Variants in SARS1 observed in about 807,000 individuals in gnomAD.
The protein encoded by SARS1 is serine--tRNA ligase, cytoplasmic.
Under a neutral mutation model 63.7 loss-of-function variants are expected in SARS1, and 25 were observed. The ratio of observed to expected loss-of-function variants is 0.39; its 90% CI spans 0.29 to 0.55. The LOEUF is 0.55. SARS1 is among the 20% of genes least tolerant of loss of function. The probability of loss-of-function intolerance (pLI) is 0.62; values close to 1 mark genes in which losing one functional copy is unlikely to be tolerated. For missense variants in SARS1, 417 were observed against 649.7 expected (o/e 0.64, Z 3.89); for synonymous variants, 231 against 243.5 (o/e 0.95, Z 0.48).
At chr1:109,222,268 TC>T (rs1654966329) in intron 1 of SARS1, among the ~76,000 whole-genome samples, 1 of 151,724 alleles carries the variant, frequency 6.6e-6, no homozygotes, top group Non-Finnish European at 1.5e-5. Context: ...AGTAGAAAGG[TC>T]CCGTTTTCCC....
At position 109,214,397 on chromosome 1, in the gene SARS1, T is replaced by C; in HGVS notation, c.136+269T>C. 1 of 657,188 alleles carries C rather than the reference T, an allele frequency of 1.5e-6. No homozygotes were observed. Among genetic ancestry groups the C allele is most frequent in the Non-Finnish European group, 2.2e-6 (1 of 457,242 alleles). The allele number at this position is 657,188 out of a possible 1,614,324, so 40.7% of individuals were successfully genotyped here. A position where few individuals can be genotyped will look rare whatever the true frequency, so the allele number is the denominator to read the frequency against. ...GTGCGTACGCACGCGCATCGGGAGC[T>C]GTCAAGCCTTCCTGCCCCAGGGGTT... On this transcript the variant is annotated intron_variant, in intron 1 of 10. Transcript: ENST00000234677. The surrounding 1 kb of genome is among the most constrained non-coding windows in gnomAD (Gnocchi z 4.6).
At chr1:109,229,846 C>T (rs149452405) in intron 4 of SARS1, among the ~76,000 whole-genome samples, 119 of 152,308 alleles carry the variant, frequency 7.8e-4, no homozygotes, top group African/African-American at 2.6e-3. Context: ...TAGCAGGCAT[C>T]TCGTGGGAGG....
intron 1 of SARS1, chr1:109,216,334 A>G (rs893661180): frequency 1.0e-6 from 1 of 985,346 alleles, no homozygotes; most frequent in Non-Finnish European, 1.2e-6. Flanking sequence ...CTTACAAGGT[A>G]CCACTAGGGT....
At chr1:109,215,171 T>TG (rs1394140097) in intron 1 of SARS1, 3 of 985,384 alleles carry the variant, frequency 3.0e-6, no homozygotes, top group Non-Finnish European at 3.6e-6. Flanking sequence ...GCTGATTCTA[T>TG]GTCTTAGGCC....
At position 109,236,048 on chromosome 1, in the gene SARS1, C is replaced by T. The variant is rs749970722; in HGVS notation, c.1041C>T (p.Thr347=). 62 of 1,613,770 alleles carry T rather than the reference C, an allele frequency of 3.8e-5. No homozygotes were observed. The highest frequency in any genetic ancestry group is 1.9e-4 in the African/African-American group (14 of 74,898). ...AGATGTTTGAAGAGATGATTACCAC[C>T]GCAGAGGAGTTCTACCAGTCCCTGG... ...SWEMFEEMIT[T]AEEFYQSLGI... The change falls in exon 8 of 11, where the codon ACC becomes ACT. Residue 347 remains threonine, a synonymous_variant. Transcript: ENST00000234677.
At chr1:109,234,544 C>T (rs539917138) in intron 6 of SARS1, among the ~76,000 whole-genome samples, 2 of 152,248 alleles carry the variant, frequency 1.3e-5, no homozygotes, top group Admixed American at 1.3e-4. Context: ...ACTGGTGTCC[C>T]TTTTTGCTCC....
intron 4 of SARS1, 30 bp from the exon 5 acceptor site, chr1:109,230,848 G>C: frequency 6.4e-7 from 1 of 1,567,968 alleles, no homozygotes; most frequent in Non-Finnish European, 8.7e-7. Flanking sequence ...CATATGTCTT[G>C]TATGTCTCTT....
Position 109,214,144 on chromosome 1 carries a change from G to C in SARS1, c.136+16G>C, listed in dbSNP as rs200064274. The C allele has an allele frequency of 6.2e-7, 1 of 1,612,506 alleles. No homozygotes were observed. Among genetic ancestry groups the C allele is most frequent in the Non-Finnish European group, 8.5e-7 (1 of 1,179,270 alleles). ...TGGCGACGATGTAAGTACCGGGACGGGCGGGTTACCTCCTTGATGCTAAAC... is the reference window on the plus strand; with the variant it reads ...TGGCGACGATGTAAGTACCGGGACGCGCGGGTTACCTCCTTGATGCTAAAC... On this transcript the variant is annotated intron_variant, in intron 1 of 10. Transcript: ENST00000234677. This position sits in a 1 kb window ranked among gnomAD's most constrained non-coding sequence, Gnocchi z 4.6.
chr1:109,225,334 T>C (rs139374198), intron 2 of SARS1, among the ~76,000 whole-genome samples: 3 of 152,296 alleles, frequency 2.0e-5, no homozygotes, highest in Non-Finnish European at 4.4e-5. Context: ...CGTGTAACAC[T>C]TTTAGCTGTG....
In SARS1 at chr1:109,238,171, G is replaced by T. The variant is rs1655355510; in HGVS notation, c.*283G>T. 2.4e-6 allele frequency: 1 copy of T among 414,656 alleles called. No individual in the cohort carries two copies. Among genetic ancestry groups the T allele is most frequent in the Non-Finnish European group, 4.4e-6 (1 of 227,084 alleles). The allele number at this position is 414,656 out of a possible 1,614,324, so 25.7% of individuals were successfully genotyped here. ...CCCCGGGCTTGAACCCCGCCTCTGA[G>T]GTTCTCCCTGATATACACTTCTGCT... On this transcript the variant is annotated 3_prime_UTR_variant, in exon 11 of 11. Transcript: ENST00000234677.
intron 1 of SARS1, chr1:109,215,336 T>A: frequency 1.0e-6 from 1 of 985,454 alleles, no homozygotes; most frequent in Non-Finnish European, 1.2e-6. Flanking sequence ...CAGATTTTTG[T>A]GTCAGTCCAG....
In SARS1 at chr1:109,235,856, G is replaced by T; in HGVS notation, c.970-121G>T. ...TGTGGTCCAGTCCCAGTTGCTGGGGGCCCAGACTTGCCTGCCTCCCAGTGG... is the reference window on the plus strand; with the variant it reads ...TGTGGTCCAGTCCCAGTTGCTGGGGTCCCAGACTTGCCTGCCTCCCAGTGG... On this transcript the variant is annotated intron_variant, in intron 7 of 10. Transcript: ENST00000234677. This position sits in a 1 kb window ranked among gnomAD's most constrained non-coding sequence, Gnocchi z 4.7. The T allele has an allele frequency of 7.4e-6, 7 of 944,062 alleles. No homozygotes were observed. Among genetic ancestry groups the T allele is most frequent in the Non-Finnish European group, 1.1e-5 (7 of 628,152 alleles). The allele number at this position is 944,062 out of a possible 1,614,324, so 58.5% of individuals were successfully genotyped here.
intron 1 of SARS1, chr1:109,215,516 T>G (rs1164375092): frequency 2.8e-5 from 28 of 984,698 alleles, no homozygotes; most frequent in Middle Eastern, 5.2e-4. Flanking sequence ...ATATACACAT[T>G]TATACATAAA....
intron 1 of SARS1, among the ~76,000 whole-genome samples, chr1:109,217,391 A>G (rs1281260284): frequency 1.3e-5 from 2 of 152,198 alleles, no homozygotes; most frequent in South Asian, 2.1e-4. Context: ...ATTTATTACT[A>G]TTGATCATAA....
intron 1 of SARS1, among the ~76,000 whole-genome samples, chr1:109,218,899 A>G (rs576565588): frequency 3.9e-5 from 6 of 152,310 alleles, no homozygotes; most frequent in African/African-American, 1.4e-4. Flanking sequence ...AGATACAGTA[A>G]AGTACACAAA....
intron 2 of SARS1, among the ~76,000 whole-genome samples, chr1:109,226,586 T>C (rs1655082394): frequency 6.9e-6 from 1 of 144,720 alleles, no homozygotes; most frequent in Non-Finnish European, 1.5e-5. Flanking sequence ...CTCTAATACC[T>C]GGGCTCAAGC....
chr1:109,217,608 T>C (rs1004342183), intron 1 of SARS1, among the ~76,000 whole-genome samples: 1 of 151,740 alleles, frequency 6.6e-6, no homozygotes, highest in Admixed American at 6.6e-5. Flanking sequence ...TTGCCTAGGC[T>C]GGAATGCAGT....
intron 4 of SARS1, 94 bp downstream of exon 4, chr1:109,229,666 T>C (rs1458680959): frequency 3.1e-6 from 4 of 1,308,084 alleles, no homozygotes; most frequent in African/African-American, 1.5e-5. Flanking sequence ...ACTGGCATTG[T>C]CTGTCAGAAG....
Position 109,235,135 on chromosome 1 carries a change from C to A in SARS1, c.748-75C>A. ...ATTTTTCCTGCACTATTATTGATCT[C>A]TTTCTTGTGGTTTCTTATTCTAGCC... On this transcript the variant is annotated intron_variant, in intron 6 of 10. Coordinates refer to ENST00000234677, the MANE Select transcript of SARS1 (RefSeq NM_006513.4). This position sits in a 1 kb window ranked among gnomAD's most constrained non-coding sequence, Gnocchi z 4.7. 8.3e-7 allele frequency: 1 copy of A among 1,200,880 alleles called. No individual in the cohort carries two copies. The highest frequency in any genetic ancestry group is 1.2e-6 in the Non-Finnish European group (1 of 809,526). 74.4% of individuals were successfully genotyped at this position (1,200,880 alleles called of 1,614,324 possible).
Sources: gnomAD v4.1 joint callset for allele counts (sites outside exome capture counted in the v4.1 genomes callset) on GRCh38, gnomAD v4.1.1 for gene constraint, Gnocchi (gnomAD v3.1) non-coding constraint, MANE v1.5 for transcripts, NCBI Gene and HGNC (gene_info 2026-07-23, HGNC 2026-07-21) for gene names.